Variants in RGS11 observed in about 807,000 individuals in gnomAD.
RGS11 encodes regulator of G protein signaling 11, also known as regulator of G-protein signaling 11.
Under a neutral mutation model 71.1 loss-of-function variants are expected in RGS11, and 86 were observed. That is an observed-to-expected ratio of 1.21 (90% CI 1.02 to 1.45). The LOEUF (loss-of-function observed/expected upper bound fraction) is 1.45. Among genes scored for constraint, RGS11 ranks in the 40% most tolerant of loss-of-function variants. RGS11 has a pLI of 0.00. For missense variants in RGS11, 734 were observed against 635.1 expected, an observed-to-expected ratio of 1.16 and a Z score of -1.67; for synonymous variants, 298 against 254.2, an observed-to-expected ratio of 1.17 and a Z score of -1.64.
Position 274,058 on chromosome 16 carries a change from C to G in RGS11, c.414G>C (p.Leu138=), listed in dbSNP as rs1388585011. ...AKKNIRKRGT[L]VDYEKDCYDR... is the part of the protein sequence containing the mutation. Reference sequence around the variant, plus strand: ...GGGGTCCCACCTTCTCATAATCCACCAGGGTCCCCCGTTTTCGGATGTTCT... The same window carrying G: ...GGGGTCCCACCTTCTCATAATCCACGAGGGTCCCCCGTTTTCGGATGTTCT... The change falls in exon 6 of 17, where the codon CTG becomes CTC. Residue 138 remains leucine, a synonymous_variant. Coordinates refer to ENST00000397770, the MANE Select transcript of RGS11 (RefSeq NM_183337.3). 73 of 1,550,880 alleles carry G rather than the reference C, an allele frequency of 4.7e-5. No individual in the cohort carries two copies. Among genetic ancestry groups the G allele is most frequent in the Non-Finnish European group, 5.9e-5 (68 of 1,147,118 alleles).
At chr16:274,586 AACCGACGGCAGGTCGGCCCGGG>A (rs1443724718) in intron 4 of RGS11, 1 of 592,196 alleles carries the variant, frequency 1.7e-6, no homozygotes, top group African/African-American at 1.8e-5. Context: ...GGAGGGGTAC[AACCGACGGCAGGTCGGCCCGGG>A]ACCCTGATGT....
At chr16:274,602 G>A in intron 4 of RGS11, 1 of 597,192 alleles carries the variant, frequency 1.7e-6, no homozygotes, top group Non-Finnish European at 3.1e-6. Flanking sequence ...CGGCAGGTCG[G>A]CCCGGGACCC....
In RGS11 at chr16:269,883, T is replaced by C. The variant is rs60666163; in HGVS notation, c.1207-298A>G. 1,497 of 354,092 alleles carry C rather than the reference T, an allele frequency of 4.2e-3. 23 individuals carry two copies. Among genetic ancestry groups the C allele is most frequent in the African/African-American group, 0.029 (1,354 of 47,460 alleles). 21.9% of individuals were successfully genotyped at this position (354,092 alleles called of 1,614,324 possible). On this transcript the variant is annotated intron_variant, in intron 15 of 16. Coordinates refer to ENST00000397770, the MANE Select transcript of RGS11 (RefSeq NM_183337.3). ...TTAGCGGGAACCAGGAATGGCTCCG[T>C]GTGCCCCACAGAGTGAGGGCAGGGT...
At chr16:270,494 C>G in intron 15 of RGS11, 29 bp downstream of exon 15, 2 of 1,581,484 alleles carry the variant, frequency 1.3e-6, no homozygotes, top group Non-Finnish European at 1.7e-6. Context: ...ATGACCCCTC[C>G]TGCCCCTGCA....
At position 271,101 on chromosome 16, in the gene RGS11, TG is replaced by T; in HGVS notation, c.864-3del. 4 of 1,610,318 alleles carry T rather than the reference TG, an allele frequency of 2.5e-6. No homozygotes were observed. Among genetic ancestry groups the T allele is most frequent in the Non-Finnish European group, 3.4e-6 (4 of 1,178,492 alleles). ...CGGAGCTTCGTGGGGGCAGCCACCC[TG>T]GGGAGAGGGCAGGGCTGTTGGGGAG... On this transcript the variant is annotated splice_region_variant and splice_polypyrimidine_tract_variant and intron_variant, in intron 12 of 16. Transcript: ENST00000397770.
At chr16:271,710 C>A in intron 9 of RGS11, 141 bp from the exon 10 acceptor site, 2 of 730,452 alleles carry the variant, frequency 2.7e-6, no homozygotes, top group Non-Finnish European at 4.6e-6. Flanking sequence ...CAGTCCCGCC[C>A]CTTGGAGCCC....
In RGS11 at chr16:271,287, G is replaced by A. The variant is rs2051926190; in HGVS notation, c.778C>T (p.Pro260Ser). 1 of 1,612,834 alleles carries A rather than the reference G, an allele frequency of 6.2e-7. No individual in the cohort carries two copies. Among genetic ancestry groups the A allele is most frequent in the South Asian group, 1.1e-5 (1 of 91,092 alleles). Residue 260 changes from proline (P) to serine (S), a missense_variant, in exon 12 of 17, where the codon CCC becomes TCC. Physicochemically the swap from Pro to Ser is moderately conservative, Grantham distance 74 (BLOSUM62 -1). Coordinates refer to ENST00000397770, the MANE Select transcript of RGS11 (RefSeq NM_183337.3). ...AYLSFCGQRGPHDPLVSGCLP... is the reference protein window; with the variant it reads ...AYLSFCGQRGSHDPLVSGCLP... ...CACCCCGACACGAGGGGATCGTGGG[G>A]TCCACGCTGGCCGCAGAAACTCAGG...
intron 6 of RGS11, 22 bp from the exon 7 acceptor site, chr16:273,858 G>C (rs756692549): frequency 6.2e-7 from 1 of 1,610,428 alleles, no homozygotes; most frequent in South Asian, 1.1e-5. Flanking sequence ...GAGGTTTCCA[G>C]TGGGTCACCC....
Position 271,345 on chromosome 16 carries a change from A to AG in RGS11, c.750-31dup, listed in dbSNP as rs768093998. 1.9e-6 allele frequency: 3 copies of AG among 1,611,882 alleles called. No homozygotes were observed. In the African/African-American group the frequency reaches 4.0e-5, roughly 22 times the overall value. ...AAGGGGGTATGGGGGCTGGTGCAGG[A>AG]GGGGCCTCAGCACTCAGCAGGGGTC... On this transcript the variant is annotated intron_variant, in intron 11 of 16. Transcript: ENST00000397770.
intron 15 of RGS11, among the ~76,000 whole-genome samples, chr16:270,148 C>T (rs7499088): frequency 0.23 from 34,069 of 151,376 alleles, 6,938 homozygotes; most frequent in African/African-American, 0.54. Context: ...ACTCAGGAGG[C>T]TGAGGCAGGA....
intron 2 of RGS11, 29 bp downstream of exon 2, chr16:275,373 G>T (rs201359313): frequency 6.2e-7 from 1 of 1,610,304 alleles, no homozygotes. Flanking sequence ...GCCGAGGCGC[G>T]CACGCACCCC....
At chr16:270,055 C>A in intron 15 of RGS11, 1 of 178,890 alleles carries the variant, frequency 5.6e-6, no homozygotes. Flanking sequence ...CGAGACCGTC[C>A]TGGGTAACAC....
At chr16:273,225 T>A (rs2052015788) in intron 8 of RGS11, among the ~76,000 whole-genome samples, 1 of 152,114 alleles carries the variant, frequency 6.6e-6, no homozygotes, top group Non-Finnish European at 1.5e-5. Flanking sequence ...CCCCGCAATC[T>A]GGCATCCCTG....
At chr16:270,401 G>T in intron 15 of RGS11, 122 bp downstream of exon 15, 1 of 1,215,100 alleles carries the variant, frequency 8.2e-7, no homozygotes, top group Non-Finnish European at 1.1e-6. Flanking sequence ...GGTGGGGAAG[G>T]TGCTCCCCAG....
intron 8 of RGS11, among the ~76,000 whole-genome samples, 181 bp from the exon 9 acceptor site, chr16:273,112 G>A (rs555177543): frequency 6.6e-6 from 1 of 152,116 alleles, no homozygotes; most frequent in Non-Finnish European, 1.5e-5. Context: ...CCTGTCCACC[G>A]GGCCTCCCCA....
In RGS11 at chr16:268,351, A is replaced by T. The variant is rs1221538883; in HGVS notation, c.*918T>A. ...CAAGGGTCTTTTATTTGTGTGCTGG[A>T]CGCTGTTGGGAGTGACTGGATGTGA... On this transcript the variant is annotated 3_prime_UTR_variant, in exon 17 of 17. Coordinates refer to ENST00000397770, the MANE Select transcript of RGS11 (RefSeq NM_183337.3). The T allele has an allele frequency of 3.8e-6, 1 of 262,022 alleles. No homozygotes were observed. Among genetic ancestry groups the T allele is most frequent in the African/African-American group, 2.2e-5 (1 of 45,772 alleles). 16.2% of individuals were successfully genotyped at this position (262,022 alleles called of 1,614,324 possible).
In RGS11 at chr16:271,039, C is replaced by T. The variant is rs2051910117; in HGVS notation, c.924G>A (p.Leu308=). 8 of 1,612,506 alleles carry T rather than the reference C, an allele frequency of 5.0e-6. No homozygotes were observed. Among genetic ancestry groups the T allele is most frequent in the Non-Finnish European group, 6.8e-6 (8 of 1,179,948 alleles). The change falls in exon 13 of 17, where the codon CTG becomes CTA. Residue 308 remains leucine, a synonymous_variant. Transcript: ENST00000397770. The part of the protein sequence containing the change: ...ERWGFSFREL[L]EDPVGRAHFM... ...AGTGGGCCCGCCCCACGGGGTCCTC[C>T]AGGAGCTCCCGGAAGCTGAAGCCCC...
At chr16:271,359 T>C (rs768631634) in intron 11 of RGS11, 40 bp downstream of exon 11, 1 of 1,611,996 alleles carries the variant, frequency 6.2e-7, no homozygotes, top group African/African-American at 1.3e-5. Flanking sequence ...GCCTCAGCAC[T>C]CAGCAGGGGT....
In RGS11 at chr16:271,842, T is replaced by A. The variant is rs965663547; in HGVS notation, c.658-273A>T. On this transcript the variant is annotated intron_variant, in intron 9 of 16. Transcript: ENST00000397770. The stretch of plus-strand genomic sequence containing the variant: ...AACTGTAATATGTCATTTTTTTTTC[T>A]TTATTATTTTTTTGAGACAGTTTCA... 20 of 534,298 alleles carry A rather than the reference T, an allele frequency of 3.7e-5. No individual in the cohort carries two copies. In the African/African-American group the frequency reaches 3.8e-4, roughly 10 times the overall value. The allele number at this position is 534,298 out of a possible 1,614,324, so 33.1% of individuals were successfully genotyped here.
Sources: gnomAD v4.1 joint callset for allele counts (sites outside exome capture counted in the v4.1 genomes callset) on GRCh38, gnomAD v4.1.1 for gene constraint, MANE v1.5 for transcripts, NCBI Gene and HGNC (gene_info 2026-07-23, HGNC 2026-07-21) for gene names.